COPG1: variants seen among roughly 807,000 people sequenced by gnomAD.
The protein encoded by COPG1 is coatomer subunit gamma-1.
Under a neutral mutation model 102.8 loss-of-function variants are expected in COPG1, and 29 were observed. That is an observed-to-expected ratio of 0.28 (90% CI 0.21 to 0.38). The LOEUF is 0.38. Among genes scored for constraint, COPG1 ranks in the 10% least tolerant of loss-of-function variants. The probability of loss-of-function intolerance (pLI) is 1.00; values close to 1 mark genes in which losing one functional copy is unlikely to be tolerated. For missense variants in COPG1, 875 were observed against 1,132.7 expected (o/e 0.77, Z 3.27); for synonymous variants, 406 against 421.6 (o/e 0.96, Z 0.45).
Position 129,257,482 on chromosome 3 carries a change from G to C in COPG1, c.592G>C (p.Gly198Arg), listed in dbSNP as rs1939832197. 6.2e-7 allele frequency: 1 copy of C among 1,614,074 alleles called. No homozygotes were observed. The highest frequency in any genetic ancestry group is 1.3e-5 in the African/African-American group (1 of 74,928). Residue 198 changes from glycine (G) to arginine (R), a missense_variant, in exon 9 of 24, where the codon GGG (glycine) becomes CGG (arginine). By Grantham distance (125) the Gly-to-Arg change is moderately radical. Transcript: ENST00000314797. ...TCCTGTCCTATAGTACCACGCACTAGGGCTCCTGTACCATGTGCGTAAGAA... is the reference window on the plus strand; with the variant it reads ...TCCTGTCCTATAGTACCACGCACTACGGCTCCTGTACCATGTGCGTAAGAA... ...DNIMVQYHAL[G>R]LLYHVRKNDR...
At chr3:129,273,149 A>C (rs556975765) in intron 21 of COPG1, among the ~76,000 whole-genome samples, 65 of 152,078 alleles carry the variant, frequency 4.3e-4, no homozygotes, top group African/African-American at 1.5e-3. Flanking sequence ...CAGCCTCCCA[A>C]GTAGCTGGGA....
chr3:129,266,722 TA>T (rs1251622960), intron 14 of COPG1, among the ~76,000 whole-genome samples: 1 of 152,210 alleles, frequency 6.6e-6, no homozygotes, highest in African/African-American at 2.4e-5. Flanking sequence ...CTTTACATTA[TA>T]GCCAGCTTCT....
chr3:129,251,588 G>A (rs1209440939), intron 2 of COPG1, among the ~76,000 whole-genome samples: 1 of 151,530 alleles, frequency 6.6e-6, no homozygotes, highest in Non-Finnish European at 1.5e-5. Context: ...TCACGATGTT[G>A]GCCAGGCAGG....
At position 129,252,360 on chromosome 3, in the gene COPG1, A is replaced by G. The variant is rs956978389; in HGVS notation, c.170A>G (p.Gln57Arg). 1.2e-6 allele frequency: 2 copies of G among 1,606,332 alleles called. No individual in the cohort carries two copies. Among genetic ancestry groups the G allele is most frequent in the African/African-American group, 1.3e-5 (1 of 74,670 alleles). The part of the protein sequence containing the change: ...ILTKILYLIN[Q>R]GEHLGTTEAT... ...ACCAAGATTCTTTATCTCATAAACC[A>G]GGTAACAGGGTGAAGCTTGCGGGTA... Residue 57 changes from glutamine to arginine, a missense_variant and splice_region_variant, in exon 3 of 24, where the codon CAG becomes CGG. Coordinates refer to ENST00000314797, the MANE Select transcript of COPG1 (RefSeq NM_016128.4).
intron 10 of COPG1, 77 bp downstream of exon 10, chr3:129,257,937 A>G (rs1171908155): frequency 2.6e-6 from 4 of 1,549,524 alleles, no homozygotes; most frequent in Non-Finnish European, 3.5e-6. Context: ...GGGCTAGGAG[A>G]AAGAAAGAAA....
intron 8 of COPG1, 108 bp downstream of exon 8, chr3:129,256,262 A>G (rs923618309): frequency 1.2e-5 from 10 of 868,346 alleles, no homozygotes; most frequent in Non-Finnish European, 1.8e-5. Context: ...CCCTGGCCAT[A>G]GCAGGCTTTA....
chr3:129,262,090 G>C (rs1005703481), intron 12 of COPG1, among the ~76,000 whole-genome samples: 1 of 152,054 alleles, frequency 6.6e-6, no homozygotes, highest in Non-Finnish European at 1.5e-5. Context: ...TGCTTTGCAG[G>C]CTGAAATGAC....
At chr3:129,251,369 TTTTA>T (rs201857946) in intron 2 of COPG1, among the ~76,000 whole-genome samples, 3 of 133,270 alleles carry the variant, frequency 2.3e-5, no homozygotes, top group East Asian at 4.0e-4. Context: ...TATATATATT[TTTTA>T]TATATATATA....
At chr3:129,263,491 C>G (rs376951316) in intron 12 of COPG1, among the ~76,000 whole-genome samples, 2 of 152,030 alleles carry the variant, frequency 1.3e-5, no homozygotes, top group East Asian at 3.9e-4. Flanking sequence ...GCTGAAGAGA[C>G]TGTGAGAAGA....
intron 18 of COPG1, 113 bp downstream of exon 18, chr3:129,269,113 C>A: frequency 1.1e-6 from 1 of 874,036 alleles, no homozygotes; most frequent in Non-Finnish European, 1.9e-6. Context: ...CCTTGAGATG[C>A]TTTAGACCTA....
In COPG1 at chr3:129,256,170, G is replaced by C; in HGVS notation, c.579+16G>C. ...CATGGTCCAGGTGAGATGTGAGCAAGGGAGTGATATTTAAAACACTCAGGC... is the reference window on the plus strand; with the variant it reads ...CATGGTCCAGGTGAGATGTGAGCAACGGAGTGATATTTAAAACACTCAGGC... On this transcript the variant is annotated intron_variant, in intron 8 of 23. Coordinates refer to ENST00000314797, the MANE Select transcript of COPG1 (RefSeq NM_016128.4). 1 of 1,610,486 alleles carries C rather than the reference G, an allele frequency of 6.2e-7. No individual in the cohort carries two copies. The highest frequency in any genetic ancestry group is 8.5e-7 in the Non-Finnish European group (1 of 1,177,098).
intron 12 of COPG1, among the ~76,000 whole-genome samples, chr3:129,263,210 A>G (rs888853463): frequency 2.6e-5 from 4 of 152,082 alleles, no homozygotes; most frequent in African/African-American, 9.7e-5. Flanking sequence ...GGTGGATGTC[A>G]ACAGAGATGA....
chr3:129,260,906 C>A, intron 12 of COPG1, 99 bp downstream of exon 12: 1 of 1,307,180 alleles, frequency 7.7e-7, no homozygotes, highest in Non-Finnish European at 1.1e-6. Context: ...ACCTGAGGGG[C>A]TGGTCAGCCT....
chr3:129,272,232 T>C lies in COPG1; in HGVS notation c.1987-12T>C, dbSNP rs1940196359. On this transcript the variant is annotated splice_polypyrimidine_tract_variant and intron_variant, in intron 19 of 23. Coordinates refer to ENST00000314797, the MANE Select transcript of COPG1 (RefSeq NM_016128.4). ...AGTGCAATGTTTAAGCTCCCCTCTC[T>C]TTCCTGTTCAGTTTGACTGCACAAA... 1.2e-6 allele frequency: 2 copies of C among 1,612,966 alleles called. No individual in the cohort carries two copies. Among genetic ancestry groups the C allele is most frequent in the Non-Finnish European group, 1.7e-6 (2 of 1,179,032 alleles).
chr3:129,260,309 C>T (rs767223949), intron 10 of COPG1, 24 bp from the exon 11 acceptor site: 6 of 1,611,152 alleles, frequency 3.7e-6, no homozygotes. Context: ...GGCAACCTGA[C>T]ATGTGGCATC....
intron 5 of COPG1, among the ~76,000 whole-genome samples, chr3:129,253,936 G>T (rs1289642603): frequency 6.6e-6 from 1 of 150,702 alleles, no homozygotes; most frequent in Non-Finnish European, 1.5e-5. Flanking sequence ...GGAGGTGGAG[G>T]TTGCAGTGAG....
chr3:129,259,611 A>T (rs143822876), intron 10 of COPG1, among the ~76,000 whole-genome samples: 3,316 of 152,090 alleles, frequency 0.022, 52 homozygotes, highest in Non-Finnish European at 0.034. Flanking sequence ...ATTAAGAAAA[A>T]TTTTTTTTGA....
intron 1 of COPG1, 91 bp downstream of exon 1, chr3:129,249,837 C>A: frequency 3.6e-6 from 5 of 1,370,174 alleles, no homozygotes; most frequent in Non-Finnish European, 5.0e-6. Flanking sequence ...GAGGCTGAGG[C>A]CCAGTGAGGG....
Position 129,274,994 on chromosome 3 carries a change from C to G in COPG1, c.2395+18C>G. On this transcript the variant is annotated intron_variant, in intron 22 of 23. Coordinates refer to ENST00000314797, the MANE Select transcript of COPG1 (RefSeq NM_016128.4). ...ACTTGAAGGTAAAATCCTGGGAATG[C>G]CATCTCTGGCCTAATTACTGTTCAA... The G allele has an allele frequency of 6.2e-7, 1 of 1,612,626 alleles. No individual in the cohort carries two copies. Among genetic ancestry groups the G allele is most frequent in the Non-Finnish European group, 8.5e-7 (1 of 1,178,798 alleles).
Sources: gnomAD v4.1 joint callset for allele counts (sites outside exome capture counted in the v4.1 genomes callset) on GRCh38, gnomAD v4.1.1 for gene constraint, MANE v1.5 for transcripts, NCBI Gene and HGNC (gene_info 2026-07-23, HGNC 2026-07-21) for gene names.